UGGT2: variants seen among roughly 807,000 people sequenced by gnomAD.
UGGT2 encodes UDP-glucose:glycoprotein glucosyltransferase 2.
In UGGT2, 180 loss-of-function variants were observed where a neutral mutation model predicts 192.1. The observed-to-expected ratio is 0.94, with a 90% CI of 0.83 to 1.06. The LOEUF is 1.06. Ranked by LOEUF, UGGT2 falls within the 50% of genes least tolerant of loss-of-function variation. The pLI is 0.00. For synonymous variants in UGGT2, 580 were observed against 591.0 expected, an observed-to-expected ratio of 0.98 and a Z score of 0.27; for missense variants, 1,849 against 1,795.7, an observed-to-expected ratio of 1.03 and a Z score of -0.54.
At chr13:95,954,946 G>T (rs759391954) in intron 12 of UGGT2, among the ~76,000 whole-genome samples, 1 of 152,140 alleles carries the variant, frequency 6.6e-6, no homozygotes, top group Non-Finnish European at 1.5e-5. Flanking sequence ...AAACCCTTCT[G>T]GTCCCAAGCA....
chr13:95,904,050 G>A (rs2048193971), intron 20 of UGGT2, among the ~76,000 whole-genome samples: 1 of 151,660 alleles, frequency 6.6e-6, no homozygotes, highest in Non-Finnish European at 1.5e-5. Context: ...TATCTTTTTT[G>A]GCCCCTGACT....
intron 17 of UGGT2, among the ~76,000 whole-genome samples, chr13:95,927,821 A>G (rs1301711602): frequency 6.6e-6 from 1 of 152,156 alleles, no homozygotes; most frequent in Non-Finnish European, 1.5e-5. Flanking sequence ...CGCCTTCCGC[A>G]GTGTTTGTGT....
intron 12 of UGGT2, among the ~76,000 whole-genome samples, chr13:95,951,900 A>C (rs952934898): frequency 2.0e-5 from 3 of 152,054 alleles, no homozygotes; most frequent in African/African-American, 7.2e-5. Flanking sequence ...TCTACTAAAA[A>C]TACAAAAATT....
chr13:95,936,786 G>T, intron 17 of UGGT2, 138 bp downstream of exon 17: 2 of 896,798 alleles, frequency 2.2e-6, no homozygotes, highest in Non-Finnish European at 3.2e-6. Flanking sequence ...GCTGCTAAAA[G>T]TATCATTTTA....
intron 20 of UGGT2, among the ~76,000 whole-genome samples, chr13:95,905,369 C>T (rs1304355742): frequency 6.6e-6 from 1 of 151,450 alleles, no homozygotes; most frequent in African/African-American, 2.4e-5. Context: ...GAAGTCCTTG[C>T]CCATGCCTAT....
At chr13:95,882,932 T>C (rs1308935254) in intron 27 of UGGT2, among the ~76,000 whole-genome samples, 1 of 152,186 alleles carries the variant, frequency 6.6e-6, no homozygotes. Context: ...CAGACTCTAT[T>C]AAGAGATCTG....
chr13:96,033,374 C>T (rs1406152958), intron 1 of UGGT2, among the ~76,000 whole-genome samples: 3 of 152,298 alleles, frequency 2.0e-5, no homozygotes, highest in Non-Finnish European at 2.9e-5. Context: ...GGAAGCCCCA[C>T]CCACTTCTGA....
chr13:96,047,581 C>T (rs562960652), intron 1 of UGGT2, among the ~76,000 whole-genome samples: 2 of 152,252 alleles, frequency 1.3e-5, no homozygotes, highest in African/African-American at 2.4e-5. Flanking sequence ...TCCAAAGGAA[C>T]GCAGCTCCTT....
At chr13:96,045,302 C>T (rs2053276876) in intron 1 of UGGT2, among the ~76,000 whole-genome samples, 1 of 152,096 alleles carries the variant, frequency 6.6e-6, no homozygotes, top group South Asian at 2.1e-4. Flanking sequence ...ATGATTAAAA[C>T]TCTCAACAAA....
At chr13:95,965,314 C>G (rs1350339379) in intron 12 of UGGT2, among the ~76,000 whole-genome samples, 2 of 150,616 alleles carry the variant, frequency 1.3e-5, no homozygotes, top group South Asian at 2.1e-4. Context: ...CGGCACTATT[C>G]ACAATAGCAA....
At chr13:95,816,365 C>A (rs917043701) in intron 38 of UGGT2, among the ~76,000 whole-genome samples, 1 of 152,122 alleles carries the variant, frequency 6.6e-6, no homozygotes, top group African/African-American at 2.4e-5. Flanking sequence ...AGCTTCTCAG[C>A]CTCTTAGGTT....
chr13:95,996,814 C>T (rs2051636900), intron 6 of UGGT2, among the ~76,000 whole-genome samples: 1 of 152,166 alleles, frequency 6.6e-6, no homozygotes, highest in Non-Finnish European at 1.5e-5. Flanking sequence ...ATATTTCCAA[C>T]ACCTTTAAAG....
At chr13:95,950,580 A>G (rs2050027764) in intron 12 of UGGT2, among the ~76,000 whole-genome samples, 1 of 121,186 alleles carries the variant, frequency 8.3e-6, no homozygotes, top group Admixed American at 1.0e-4. Context: ...AGGACCAAAT[A>G]TTGAAATGAA....
intron 1 of UGGT2, among the ~76,000 whole-genome samples, chr13:96,040,062 T>G (rs2053121491): frequency 6.6e-6 from 1 of 152,174 alleles, no homozygotes; most frequent in South Asian, 2.1e-4. Flanking sequence ...ATACCAAACT[T>G]CTCAAAATTA....
intron 38 of UGGT2, among the ~76,000 whole-genome samples, chr13:95,825,128 C>T (rs1404371094): frequency 3.9e-5 from 6 of 152,082 alleles, no homozygotes; most frequent in Non-Finnish European, 8.8e-5. Context: ...TTGCTATCTC[C>T]TATGGAATTG....
At chr13:95,985,752 T>C (rs559959905) in intron 9 of UGGT2, among the ~76,000 whole-genome samples, 6 of 152,294 alleles carry the variant, frequency 3.9e-5, no homozygotes, top group African/African-American at 1.4e-4. Flanking sequence ...GTAACTTGCA[T>C]TGCATGCACC....
chr13:95,945,483 CAGG>C (rs1443222189), intron 15 of UGGT2, among the ~76,000 whole-genome samples: 2 of 151,848 alleles, frequency 1.3e-5, no homozygotes, highest in Non-Finnish European at 2.9e-5. Flanking sequence ...TTTGTTTTTC[CAGG>C]AGATTATATA....
chr13:95,808,251 T>C (rs746764156), intron 38 of UGGT2, among the ~76,000 whole-genome samples: 3 of 152,212 alleles, frequency 2.0e-5, no homozygotes, highest in Non-Finnish European at 4.4e-5. Flanking sequence ...AGCTGGTATT[T>C]ATCTTTATCT....
At chr13:95,844,753 T>C (rs187008470) in intron 36 of UGGT2, among the ~76,000 whole-genome samples, 1 of 152,326 alleles carries the variant, frequency 6.6e-6, no homozygotes, top group African/African-American at 2.4e-5. Flanking sequence ...CAGTTTTACT[T>C]ATTCCTTGCC....
Sources: gnomAD v4.1 joint callset for allele counts (sites outside exome capture counted in the v4.1 genomes callset) on GRCh38, gnomAD v4.1.1 for gene constraint, MANE v1.5 for transcripts, NCBI Gene and HGNC (gene_info 2026-07-23, HGNC 2026-07-21) for gene names.